Variants in ADGRV1 observed in about 807,000 individuals in gnomAD.
ADGRV1 encodes the protein G-protein coupled receptor 98.
A neutral mutation model predicts 596.2 loss-of-function variants in ADGRV1; 359 were observed. That is an observed-to-expected ratio of 0.60 (90% CI 0.55 to 0.66). The LOEUF (loss-of-function observed/expected upper bound fraction) is 0.66, where lower values mean the gene tolerates loss of function less well. Among genes scored for constraint, ADGRV1 ranks in the 30% least tolerant of loss-of-function variants. The pLI, the probability that ADGRV1 is intolerant of heterozygous loss-of-function variation, is 0.00. For missense variants in ADGRV1, 7,274 were observed against 7,575.6 expected (o/e 0.96, Z 1.48); for synonymous variants, 2,681 against 2,679.2 (o/e 1.00, Z -0.02).
intron 83 of ADGRV1, among the ~76,000 whole-genome samples, chr5:90,940,583 A>G (rs1776092815): frequency 6.6e-6 from 1 of 152,206 alleles, no homozygotes; most frequent in Non-Finnish European, 1.5e-5. Context: ...CCAGGTCAAT[A>G]ATAAATTATT....
At chr5:90,681,922 A>G (rs1438237201) in intron 27 of ADGRV1, among the ~76,000 whole-genome samples, 1 of 149,592 alleles carries the variant, frequency 6.7e-6, no homozygotes, top group East Asian at 2.0e-4. Context: ...AGTGGAGTGC[A>G]ATGGCGTGAT....
At chr5:90,710,276 C>T (rs1749165072) in intron 39 of ADGRV1, among the ~76,000 whole-genome samples, 1 of 152,088 alleles carries the variant, frequency 6.6e-6, no homozygotes, top group Non-Finnish European at 1.5e-5. Flanking sequence ...AAACACTAAT[C>T]AGGAGCAGGA....
chr5:90,952,737 G>A (rs948793625), intron 83 of ADGRV1, among the ~76,000 whole-genome samples: 13 of 152,066 alleles, frequency 8.5e-5, no homozygotes, highest in Admixed American at 5.9e-4. Flanking sequence ...TAAAATTTCC[G>A]CCATTAGATT....
rs1993474 is a variant in ADGRV1 at position 90,710,735 on chromosome 5, T to G, written c.8825-246T>G. On this transcript the variant is annotated intron_variant, in intron 39 of 89. Coordinates refer to ENST00000405460, the MANE Select transcript of ADGRV1 (RefSeq NM_032119.4). Reference sequence around the variant, plus strand: ...AAACAAAATAGTAATCTCAGTTGTTTATTATTTTATACTGTTCTCAGTTGA... The same window carrying G: ...AAACAAAATAGTAATCTCAGTTGTTGATTATTTTATACTGTTCTCAGTTGA... Among the ~76,000 whole-genome samples, 83,953 of 151,944 alleles carry G rather than the reference T, an allele frequency of 0.55. 23,702 individuals carry two copies. Among genetic ancestry groups the G allele is most frequent in the East Asian group, 0.8 (4,136 of 5,174 alleles).
rs952294432 is a variant in ADGRV1 at position 90,998,379 on chromosome 5, A to G, written c.18152+12857A>G. Reference sequence around the variant, plus strand: ...AATGGGATATCATGTGCACTTTCCAATTTACTTTTTATTTACTGAAAAGTA... The same window carrying G: ...AATGGGATATCATGTGCACTTTCCAGTTTACTTTTTATTTACTGAAAAGTA... On this transcript the variant is annotated intron_variant, in intron 85 of 89. Transcript: ENST00000405460. Among the ~76,000 whole-genome samples, 3 of 152,090 alleles carry G rather than the reference A, an allele frequency of 2.0e-5. No individual in the cohort carries two copies. In the South Asian group the frequency reaches 6.2e-4, roughly 32 times the overall value.
At chr5:91,087,354 C>G (rs1789971280) in intron 86 of ADGRV1, among the ~76,000 whole-genome samples, 1 of 152,070 alleles carries the variant, frequency 6.6e-6, no homozygotes, top group South Asian at 2.1e-4. Flanking sequence ...ACAGTGCACT[C>G]GACTTGATCT....
intron 20 of ADGRV1, chr5:90,655,507 T>G (rs1211615899): frequency 6.6e-6 from 1 of 152,224 alleles, no homozygotes; most frequent in Non-Finnish European, 1.5e-5. Context: ...GATACTCTTA[T>G]ACATGTTTTT....
At chr5:90,866,616 C>T (rs893793792) in intron 83 of ADGRV1, among the ~76,000 whole-genome samples, 4 of 152,072 alleles carry the variant, frequency 2.6e-5, no homozygotes, top group African/African-American at 7.2e-5. Flanking sequence ...AGCAAATACA[C>T]ATTTGTGGTG....
At chr5:91,153,632 T>C (rs1562287829) in intron 89 of ADGRV1, among the ~76,000 whole-genome samples, 2 of 152,206 alleles carry the variant, frequency 1.3e-5, no homozygotes, top group Non-Finnish European at 2.9e-5. Context: ...TCTAACTAAA[T>C]GTAAATATCC....
At chr5:91,149,954 C>T (rs188686408) in intron 87 of ADGRV1, 76 bp from the exon 88 acceptor site, 170 of 1,221,596 alleles carry the variant, frequency 1.4e-4, no homozygotes, top group Non-Finnish European at 1.8e-4. Context: ...TCTTCAGCTA[C>T]GGTAGCAGGA....
chr5:90,811,022 T>A lies in ADGRV1; in HGVS notation c.15762T>A (p.Asn5254Lys). 1.9e-6 allele frequency: 3 copies of A among 1,614,022 alleles called. No individual in the cohort carries two copies. The South Asian group carries it at 3.3e-5, about 18-fold the overall frequency. Residue 5254 changes from asparagine to lysine, a missense_variant, in exon 74 of 90, where the codon AAT becomes AAA. Physicochemically the swap from Asn to Lys is moderately conservative, Grantham distance 94. Transcript: ENST00000405460. ...GAAGAACTGGTGGGTTTACTGGCAA[T>A]GTCAGCATAACAGTTAAAACTTTCG... ...LIRRTGGFTG[N>K]VSITVKTFGE...
In ADGRV1 at chr5:91,080,588, C is replaced by CAAAAAAA. The variant is rs10696264; in HGVS notation, c.18310+8001_18310+8007dup. On this transcript the variant is annotated intron_variant, in intron 86 of 89. Transcript: ENST00000405460. ...TTTACACCCAGCTCCGCACACCCTG[C>CAAAAAAA]AAAAAAAAAAAAAAAAAAAAAAACT... Among the ~76,000 whole-genome samples, 32 of 84,460 alleles carry CAAAAAAA rather than the reference C, an allele frequency of 3.8e-4. 1 individual carries two copies. Among genetic ancestry groups the CAAAAAAA allele is most frequent in the African/African-American group, 1.6e-3 (32 of 20,380 alleles). 55.4% of individuals were successfully genotyped at this position (84,460 alleles called of 152,430 possible). A position where few individuals can be genotyped will look rare whatever the true frequency, so the allele number is the denominator to read the frequency against.
At chr5:91,011,457 T>TA (rs1282164670) in intron 85 of ADGRV1, among the ~76,000 whole-genome samples, 1 of 151,934 alleles carries the variant, frequency 6.6e-6, no homozygotes, top group Non-Finnish European at 1.5e-5. Context: ...TTCACCCTAA[T>TA]AAGTGGCAAA....
At chr5:90,894,577 G>A (rs1212200532) in intron 83 of ADGRV1, among the ~76,000 whole-genome samples, 3 of 152,094 alleles carry the variant, frequency 2.0e-5, no homozygotes, top group Non-Finnish European at 4.4e-5. Context: ...TTTATTTAGC[G>A]ATATTTCAGT....
At chr5:90,707,443 C>G (rs1445876484) in intron 38 of ADGRV1, among the ~76,000 whole-genome samples, 1 of 152,038 alleles carries the variant, frequency 6.6e-6, no homozygotes, top group Non-Finnish European at 1.5e-5. Flanking sequence ...ATCTTGGAGG[C>G]TTGTGCTTTT....
chr5:90,597,285 G>A (rs1457978476), intron 1 of ADGRV1, among the ~76,000 whole-genome samples: 2 of 152,198 alleles, frequency 1.3e-5, no homozygotes, highest in African/African-American at 4.8e-5. Flanking sequence ...AAATATCAAT[G>A]GGGAAAGTTG....
chr5:90,889,297 A>G (rs1245210559), intron 83 of ADGRV1, among the ~76,000 whole-genome samples: 1 of 152,130 alleles, frequency 6.6e-6, no homozygotes, highest in African/African-American at 2.4e-5. Context: ...CTTTTTAAAT[A>G]TTAATTGCTT....
At chr5:90,880,621 G>A (rs1476405675) in intron 83 of ADGRV1, among the ~76,000 whole-genome samples, 1 of 152,110 alleles carries the variant, frequency 6.6e-6, no homozygotes, top group Non-Finnish European at 1.5e-5. Context: ...TTTAGTAGTT[G>A]GGACTTTACT....
intron 7 of ADGRV1, 70 bp from the exon 8 acceptor site, chr5:90,628,492 T>C (rs1257552984): frequency 3.0e-6 from 4 of 1,314,002 alleles, no homozygotes; most frequent in Non-Finnish European, 4.3e-6. Context: ...CAACTTGACA[T>C]TGGGAAAGCT....
Sources: allele counts gnomAD v4.1 joint callset (sites outside exome capture counted in the v4.1 genomes callset), GRCh38; gene constraint gnomAD v4.1.1; transcripts MANE v1.5; gene names NCBI Gene and HGNC (gene_info 2026-07-23, HGNC 2026-07-21).